Variants in B4GALNT3 observed in about 807,000 individuals in gnomAD.
The protein encoded by B4GALNT3 is beta-1,4-N-acetylgalactosaminyltransferase 3.
Under a neutral mutation model 120.2 loss-of-function variants are expected in B4GALNT3, and 86 were observed. The observed-to-expected ratio is 0.72, with a 90% CI of 0.60 to 0.86. The LOEUF is 0.86. B4GALNT3 is among the 40% of genes least tolerant of loss of function. The pLI is 0.00. For synonymous variants in B4GALNT3, 518 were observed against 510.4 expected, an observed-to-expected ratio of 1.01 and a Z score of -0.20; for missense variants, 1,167 against 1,298.9, an observed-to-expected ratio of 0.90 and a Z score of 1.56.
chr12:474,947 CAAAA>C (rs386375353), intron 1 of B4GALNT3, among the ~76,000 whole-genome samples: 2 of 60,614 alleles, frequency 3.3e-5, no homozygotes, highest in African/African-American at 1.5e-4. Context: ...GACCTTGTCT[CAAAA>C]AAAAAAAAAA....
In B4GALNT3 at chr12:553,280, C is replaced by T. The variant is rs771821752; in HGVS notation, c.1357C>T (p.Leu453Phe). 22 of 1,613,464 alleles carry T rather than the reference C, an allele frequency of 1.4e-5. No individual in the cohort carries two copies. The South Asian group carries it at 2.3e-4, about 17-fold the overall frequency. The change falls in exon 14 of 20, where the codon CTT becomes TTT. Residue 453 changes from leucine to phenylalanine, a missense_variant. Coordinates refer to ENST00000266383, the MANE Select transcript of B4GALNT3 (RefSeq NM_173593.4). ...CTCCAACAACCAGAATGCCAGGATG[C>T]TTGAGGGAAGACAGACACCTGCCTC... ...PASNNQNARMLEGRQTPASTL... is the reference protein window; with the variant it reads ...PASNNQNARMFEGRQTPASTL...
In B4GALNT3 at chr12:464,104, C is replaced by T. The variant is rs576212854; in HGVS notation, c.169+3559C>T. Among the ~76,000 whole-genome samples, 226 of 152,228 alleles carry T rather than the reference C, an allele frequency of 1.5e-3. 1 individual carries two copies. The highest frequency in any genetic ancestry group is 5.1e-3 in the African/African-American group (211 of 41,546). On this transcript the variant is annotated intron_variant, in intron 1 of 19. Transcript: ENST00000266383. ...CGTGAAGCTGTCCTGGGGAGGGGTC[C>T]GGGTGGCAGTGGGACACTCAGAGGG...
intron 1 of B4GALNT3, among the ~76,000 whole-genome samples, chr12:502,320 T>G (rs1946451864): frequency 6.6e-6 from 1 of 152,226 alleles, no homozygotes; most frequent in Non-Finnish European, 1.5e-5. Flanking sequence ...TGCTCTGACT[T>G]GGAGCAACTG....
At chr12:494,996 C>T (rs2120518293) in intron 1 of B4GALNT3, among the ~76,000 whole-genome samples, 1 of 152,276 alleles carries the variant, frequency 6.6e-6, no homozygotes, top group South Asian at 2.1e-4. Flanking sequence ...TGTTCTGGCT[C>T]TGCATAGCGT....
intron 13 of B4GALNT3, 60 bp downstream of exon 13, chr12:552,588 C>T: frequency 1.3e-6 from 2 of 1,541,248 alleles, no homozygotes; most frequent in African/African-American, 2.7e-5. Context: ...TGGTCTGTTT[C>T]CAGGGGATGT....
intron 1 of B4GALNT3, among the ~76,000 whole-genome samples, chr12:486,292 C>T (rs771921755): frequency 1.3e-4 from 20 of 149,616 alleles, no homozygotes; most frequent in Non-Finnish European, 2.7e-4. Context: ...TCACTGCAAC[C>T]TCCACCCCTC....
At chr12:520,746 G>A (rs7296856) in intron 1 of B4GALNT3, among the ~76,000 whole-genome samples, 15,377 of 134,354 alleles carry the variant, frequency 0.11, 1,035 homozygotes, top group African/African-American at 0.22. Context: ...AGCCGAGATC[G>A]TGCCACTGCG....
At chr12:497,138 A>T (rs1172387821) in intron 1 of B4GALNT3, among the ~76,000 whole-genome samples, 1 of 148,416 alleles carries the variant, frequency 6.7e-6, no homozygotes, top group African/African-American at 2.5e-5. Context: ...CCTGGCTTTC[A>T]TTTATTATTA....
intron 1 of B4GALNT3, among the ~76,000 whole-genome samples, chr12:465,160 CCT>C (rs1283375798): frequency 6.6e-6 from 1 of 152,118 alleles, no homozygotes; most frequent in Non-Finnish European, 1.5e-5. Context: ...TGGGTGTGTG[CCT>C]CTCTGTCCCA....
At chr12:557,489 C>A in intron 15 of B4GALNT3, 119 bp from the exon 16 acceptor site, 1 of 972,384 alleles carries the variant, frequency 1.0e-6, no homozygotes, top group Non-Finnish European at 1.5e-6. Flanking sequence ...GTTGCACTGT[C>A]CCCTCAGCCG....
chr12:544,995 A>G, intron 5 of B4GALNT3, 23 bp downstream of exon 5: 4 of 1,609,696 alleles, frequency 2.5e-6, no homozygotes, highest in Non-Finnish European at 2.5e-6. Flanking sequence ...CCAAAACCCC[A>G]TCCTTCTTCC....
At chr12:516,094 C>T (rs367714758) in intron 1 of B4GALNT3, among the ~76,000 whole-genome samples, 2 of 149,208 alleles carry the variant, frequency 1.3e-5, no homozygotes, top group South Asian at 2.1e-4. Context: ...TGCAGTGAGC[C>T]GAGATAGTGC....
At chr12:480,557 T>C (rs1946232277) in intron 1 of B4GALNT3, among the ~76,000 whole-genome samples, 1 of 114,198 alleles carries the variant, frequency 8.8e-6, no homozygotes. Flanking sequence ...GATTCTGAGT[T>C]GGCCGTGGCT....
chr12:510,500 A>AGGG (rs1202658951), intron 1 of B4GALNT3, among the ~76,000 whole-genome samples: 2 of 114,296 alleles, frequency 1.7e-5, no homozygotes, highest in Non-Finnish European at 4.3e-5. Context: ...TGGGAGGGAA[A>AGGG]CGGGCCCTTT....
chr12:472,052 G>A (rs1946142385), intron 1 of B4GALNT3, among the ~76,000 whole-genome samples: 1 of 152,192 alleles, frequency 6.6e-6, no homozygotes, highest in Non-Finnish European at 1.5e-5. Context: ...TTATTCGGGT[G>A]TGTGTGTCTA....
intron 1 of B4GALNT3, among the ~76,000 whole-genome samples, chr12:533,443 G>A (rs1565604636): frequency 6.6e-6 from 1 of 152,236 alleles, no homozygotes; most frequent in Non-Finnish European, 1.5e-5. Context: ...TAAAGCTGCA[G>A]AAGTCCCTGC....
In B4GALNT3 at chr12:545,051, A is replaced by G. The variant is rs923992406; in HGVS notation, c.538+79A>G. On this transcript the variant is annotated intron_variant, in intron 5 of 19. Coordinates refer to ENST00000266383, the MANE Select transcript of B4GALNT3 (RefSeq NM_173593.4). ...GACCCAAAGAACATAAGATAAGGTT[A>G]TAGGTAGACTGGACTAACTTCCTGT... The G allele has an allele frequency of 5.8e-6, 9 of 1,549,606 alleles. No homozygotes were observed. In the African/African-American group the frequency reaches 1.1e-4, roughly 19 times the overall value.
intron 1 of B4GALNT3, among the ~76,000 whole-genome samples, chr12:531,627 G>A (rs1453895096): frequency 6.6e-6 from 1 of 151,976 alleles, no homozygotes; most frequent in Non-Finnish European, 1.5e-5. Flanking sequence ...TCCAGCCTGG[G>A]GGATCCTGTC....
Position 503,682 on chromosome 12 carries a change from C to T in B4GALNT3, c.170-31484C>T, listed in dbSNP as rs140390289. 3.6e-3 allele frequency among the ~76,000 whole-genome samples: 550 copies of T among 152,288 alleles called. 6 individuals carry two copies. The highest frequency in any genetic ancestry group is 8.6e-3 in the African/African-American group (359 of 41,544). On this transcript the variant is annotated intron_variant, in intron 1 of 19. Transcript: ENST00000266383. ...TTACTGTTTACCATACAGATAAGCTCGTGATGACTAGAGCAAGTCATTTAA... is the reference window on the plus strand; with the variant it reads ...TTACTGTTTACCATACAGATAAGCTTGTGATGACTAGAGCAAGTCATTTAA...
Sources: allele counts gnomAD v4.1 joint callset (sites outside exome capture counted in the v4.1 genomes callset), GRCh38; gene constraint gnomAD v4.1.1; transcripts MANE v1.5; gene names NCBI Gene and HGNC (gene_info 2026-07-23, HGNC 2026-07-21).